Variants in GBE1 observed in about 807,000 individuals in gnomAD.
The protein encoded by GBE1 is 1,4-alpha-glucan branching enzyme 1.
In GBE1, 70 loss-of-function variants were observed where a neutral mutation model predicts 88.8. The observed-to-expected ratio is 0.79, with a 90% CI of 0.65 to 0.96. The LOEUF is 0.96. Ranked by LOEUF, GBE1 falls within the 40% of genes least tolerant of loss-of-function variation. The probability of loss-of-function intolerance (pLI) is 0.00; values close to 1 mark genes in which losing one functional copy is unlikely to be tolerated. For missense variants in GBE1, 872 were observed against 871.0 expected (o/e 1.00, Z -0.01); for synonymous variants, 284 against 300.1 (o/e 0.95, Z 0.56).
At chr3:81,750,342 T>A (rs1706479315) in intron 1 of GBE1, among the ~76,000 whole-genome samples, 1 of 151,372 alleles carries the variant, frequency 6.6e-6, no homozygotes, top group Non-Finnish European at 1.5e-5. Context: ...CGTAAAAAAA[T>A]AATTCATGCT....
chr3:81,668,375 C>A (rs1224805932), intron 3 of GBE1, among the ~76,000 whole-genome samples: 1 of 152,008 alleles, frequency 6.6e-6, no homozygotes, highest in Non-Finnish European at 1.5e-5. Flanking sequence ...CTATATTAAT[C>A]AAAAATAATA....
chr3:81,631,337 C>T (rs9848621), intron 7 of GBE1, among the ~76,000 whole-genome samples: 1 of 152,128 alleles, frequency 6.6e-6, no homozygotes, highest in African/African-American at 2.4e-5. Context: ...TTCATTTATT[C>T]GACATTGGAG....
intron 12 of GBE1, among the ~76,000 whole-genome samples, chr3:81,538,558 G>A (rs1420963558): frequency 6.6e-6 from 1 of 151,960 alleles, no homozygotes; most frequent in South Asian, 2.1e-4. Context: ...CACAAGGAAT[G>A]TCCCTCTGCT....
At chr3:81,747,988 C>T (rs991195406) in intron 1 of GBE1, among the ~76,000 whole-genome samples, 1 of 152,144 alleles carries the variant, frequency 6.6e-6, no homozygotes, top group Admixed American at 6.5e-5. Context: ...CGCATGAAAG[C>T]ACGCACCTGT....
Position 81,567,733 on chromosome 3 carries a change from A to G in GBE1, c.1618+10192T>C, listed in dbSNP as rs79306261. On this transcript the variant is annotated intron_variant, in intron 12 of 15. Transcript: ENST00000429644. ...ATCTTGACTCTTTTTGCCTCTTTCT[A>G]TCTCCACTGCTATCATTGTCACTCT... Among the ~76,000 whole-genome samples the G allele has an allele frequency of 1.7e-4, 26 of 152,284 alleles. No individual in the cohort carries two copies. The East Asian group carries it at 4.8e-3, about 28-fold the overall frequency.
At chr3:81,558,398 A>T (rs1372690502) in intron 12 of GBE1, among the ~76,000 whole-genome samples, 1 of 152,040 alleles carries the variant, frequency 6.6e-6, no homozygotes, top group African/African-American at 2.4e-5. Context: ...TCAAATATAT[A>T]TCATCTATCT....
At chr3:81,574,070 C>G (rs1180695573) in intron 12 of GBE1, among the ~76,000 whole-genome samples, 1 of 152,062 alleles carries the variant, frequency 6.6e-6, no homozygotes, top group Non-Finnish European at 1.5e-5. Context: ...ATTGGTGAGA[C>G]TTAATGCAGA....
At chr3:81,547,903 G>A (rs910586158) in intron 12 of GBE1, among the ~76,000 whole-genome samples, 2 of 151,164 alleles carry the variant, frequency 1.3e-5, no homozygotes, top group East Asian at 3.9e-4. Flanking sequence ...AAAACTGGTC[G>A]GTTACAAACT....
chr3:81,495,743 C>A (rs1286408750), intron 15 of GBE1, among the ~76,000 whole-genome samples: 2 of 152,034 alleles, frequency 1.3e-5, no homozygotes, highest in African/African-American at 4.8e-5. Context: ...TTGAATAGAG[C>A]AGAAGATATT....
chr3:81,571,193 A>G (rs1003437238), intron 12 of GBE1, among the ~76,000 whole-genome samples: 3 of 152,182 alleles, frequency 2.0e-5, no homozygotes, highest in Non-Finnish European at 4.4e-5. Flanking sequence ...AGCTCCTCAT[A>G]TACCTTTTTA....
intron 12 of GBE1, among the ~76,000 whole-genome samples, chr3:81,561,815 TA>T (rs1205010186): frequency 6.6e-6 from 1 of 152,058 alleles, no homozygotes; most frequent in East Asian, 1.9e-4. Flanking sequence ...TCTAAATTAG[TA>T]AGGCCCTCAT....
intron 14 of GBE1, among the ~76,000 whole-genome samples, chr3:81,524,161 T>C (rs1559633171): frequency 6.6e-6 from 1 of 151,830 alleles, no homozygotes; most frequent in Non-Finnish European, 1.5e-5. Context: ...ACCAGGATCG[T>C]TACTGCCTGT....
intron 7 of GBE1, among the ~76,000 whole-genome samples, chr3:81,609,394 C>T (rs755926196): frequency 1.3e-5 from 2 of 152,070 alleles, no homozygotes; most frequent in Non-Finnish European, 2.9e-5. Flanking sequence ...CATTGGTCTA[C>T]ATCTGTCTGT....
At chr3:81,727,766 C>G (rs1439272430) in intron 1 of GBE1, among the ~76,000 whole-genome samples, 1 of 152,010 alleles carries the variant, frequency 6.6e-6, no homozygotes, top group Non-Finnish European at 1.5e-5. Context: ...AAAAAGTAGG[C>G]AGTATATTTT....
At chr3:81,671,318 G>A (rs984480295) in intron 2 of GBE1, among the ~76,000 whole-genome samples, 5 of 152,026 alleles carry the variant, frequency 3.3e-5, no homozygotes, top group Non-Finnish European at 5.9e-5. Flanking sequence ...AAATGTACAT[G>A]CCATGGTAGA....
chr3:81,613,138 A>G, intron 7 of GBE1: 1 of 343,004 alleles, frequency 2.9e-6, no homozygotes, highest in Non-Finnish European at 5.2e-6. Flanking sequence ...CCTTGGGAGC[A>G]AGCTGCAGTC....
chr3:81,638,056 A>G (rs1445146537), intron 7 of GBE1, among the ~76,000 whole-genome samples: 1 of 152,080 alleles, frequency 6.6e-6, no homozygotes, highest in Admixed American at 6.6e-5. Flanking sequence ...CCTTCCACAT[A>G]CTAACTTGTA....
chr3:81,647,926 G>A (rs1704789462), intron 5 of GBE1, among the ~76,000 whole-genome samples: 1 of 152,072 alleles, frequency 6.6e-6, no homozygotes, highest in Non-Finnish European at 1.5e-5. Flanking sequence ...TCCTTGTGCT[G>A]CTGAACGTTC....
intron 1 of GBE1, among the ~76,000 whole-genome samples, chr3:81,718,104 T>G (rs1342603684): frequency 6.6e-6 from 1 of 151,804 alleles, no homozygotes; most frequent in Non-Finnish European, 1.5e-5. Context: ...CTCAACCTCC[T>G]GAGTAGCTGG....
Sources: allele counts gnomAD v4.1 joint callset (sites outside exome capture counted in the v4.1 genomes callset), GRCh38; gene constraint gnomAD v4.1.1; transcripts MANE v1.5; gene names NCBI Gene and HGNC (gene_info 2026-07-23, HGNC 2026-07-21).